SLC16A7: variants seen among roughly 807,000 people sequenced by gnomAD.
The protein encoded by SLC16A7 is solute carrier family 16 member 7, also known as monocarboxylate transporter 2.
In SLC16A7, 33 loss-of-function variants were observed where a neutral mutation model predicts 34.9. The ratio of observed to expected loss-of-function variants is 0.94; its 90% CI spans 0.72 to 1.26. The LOEUF is 1.26. Ranked by LOEUF, SLC16A7 falls within the 50% of genes most tolerant of loss-of-function variation. The probability of loss-of-function intolerance (pLI) is 0.00; values close to 1 mark genes in which losing one functional copy is unlikely to be tolerated. For missense variants in SLC16A7, 573 were observed against 578.1 expected (o/e 0.99, Z 0.09); for synonymous variants, 201 against 206.6 (o/e 0.97, Z 0.23).
intron 2 of SLC16A7, among the ~76,000 whole-genome samples, chr12:59,687,628 T>G (rs1871260002): frequency 6.6e-6 from 1 of 152,110 alleles, no homozygotes; most frequent in Non-Finnish European, 1.5e-5. Flanking sequence ...GGGCTTACAA[T>G]AACAGATATT....
At chr12:59,768,519 A>G (rs966968834) in intron 3 of SLC16A7, among the ~76,000 whole-genome samples, 13 of 152,172 alleles carry the variant, frequency 8.5e-5, no homozygotes, top group Non-Finnish European at 1.8e-4. Flanking sequence ...TGATATAACT[A>G]CAAAAGTTTA....
chr12:59,768,229 T>A, intron 3 of SLC16A7: 2 of 455,058 alleles, frequency 4.4e-6, no homozygotes, highest in South Asian at 3.1e-5. Flanking sequence ...TTCACTGTTA[T>A]GGGAGGAGGT....
At chr12:59,753,459 G>T (rs1879860127) in intron 3 of SLC16A7, among the ~76,000 whole-genome samples, 1 of 152,134 alleles carries the variant, frequency 6.6e-6, no homozygotes, top group South Asian at 2.1e-4. Context: ...TGCATTCCTA[G>T]ACTCTGATAA....
rs555779243 is a variant in SLC16A7, at chr12:59,708,729, C to T, written c.217+3711C>T. On this transcript the variant is annotated intron_variant, in intron 3 of 5. Coordinates refer to ENST00000547379, the MANE Select transcript of SLC16A7 (RefSeq NM_001270623.2). The stretch of plus-strand genomic sequence containing the variant: ...TGTTCAGAGGCCTGGCCTGTGATGT[C>T]AGGACTGGAGTCTCTTGTAGTAATT... 3.4e-4 allele frequency among the ~76,000 whole-genome samples: 51 copies of T among 150,928 alleles called. 2 individuals are homozygous for T. The highest frequency in any genetic ancestry group is 1.2e-3 in the African/African-American group (49 of 40,336).
intron 1 of SLC16A7, among the ~76,000 whole-genome samples, chr12:59,640,728 G>T (rs1317572513): frequency 6.6e-6 from 1 of 151,756 alleles, no homozygotes; most frequent in Non-Finnish European, 1.5e-5. Context: ...TCCAAAACAA[G>T]TTCTGCCATG....
chr12:59,745,068 A>T (rs1258100879), intron 3 of SLC16A7, among the ~76,000 whole-genome samples: 1 of 152,102 alleles, frequency 6.6e-6, no homozygotes, highest in African/African-American at 2.4e-5. Flanking sequence ...GAGTTCAAGG[A>T]TGTCATCAGA....
At chr12:59,767,105 T>C (rs1881736165) in intron 3 of SLC16A7, among the ~76,000 whole-genome samples, 1 of 151,944 alleles carries the variant, frequency 6.6e-6, no homozygotes, top group Non-Finnish European at 1.5e-5. Context: ...CTAGATTTTC[T>C]AGTTTATTAG....
intron 2 of SLC16A7, among the ~76,000 whole-genome samples, chr12:59,683,372 G>A (rs1870897682): frequency 1.3e-5 from 2 of 152,140 alleles, no homozygotes; most frequent in South Asian, 2.1e-4. Flanking sequence ...TTGGAGAGAG[G>A]CCAGAAGATG....
chr12:59,719,679 G>A (rs1356825985), intron 3 of SLC16A7: 1 of 163,320 alleles, frequency 6.1e-6, no homozygotes, highest in African/African-American at 2.4e-5. Flanking sequence ...TTTTTTTCTT[G>A]GCAGCATCAT....
intron 3 of SLC16A7, among the ~76,000 whole-genome samples, chr12:59,708,141 A>T (rs1873803168): frequency 6.6e-6 from 1 of 152,142 alleles, no homozygotes; most frequent in Non-Finnish European, 1.5e-5. Flanking sequence ...TTTCAGAAAC[A>T]TAGTAACTAT....
chr12:59,764,749 T>A (rs1381556300), intron 3 of SLC16A7, among the ~76,000 whole-genome samples: 1 of 152,156 alleles, frequency 6.6e-6, no homozygotes, highest in East Asian at 1.9e-4. Context: ...ACATTTGGGT[T>A]GGTTCCAAGT....
At chr12:59,678,506 G>T (rs1232188640) in intron 2 of SLC16A7, among the ~76,000 whole-genome samples, 1 of 152,178 alleles carries the variant, frequency 6.6e-6, no homozygotes, top group Non-Finnish European at 1.5e-5. Context: ...TGTCTGCTCA[G>T]CTCTTTTCAG....
intron 3 of SLC16A7, among the ~76,000 whole-genome samples, chr12:59,739,523 T>C (rs1184316681): frequency 1.4e-5 from 2 of 143,702 alleles, no homozygotes; most frequent in Non-Finnish European, 3.0e-5. Context: ...TGTGTCTTTA[T>C]AGCAGCATGA....
chr12:59,692,402 A>G (rs543561334), intron 2 of SLC16A7, among the ~76,000 whole-genome samples: 36 of 152,068 alleles, frequency 2.4e-4, no homozygotes, highest in African/African-American at 8.4e-4. Context: ...ATAACTTTTT[A>G]CACACAATTC....
intron 2 of SLC16A7, among the ~76,000 whole-genome samples, chr12:59,703,564 T>C (rs1217730178): frequency 1.3e-5 from 2 of 152,178 alleles, no homozygotes; most frequent in African/African-American, 4.8e-5. Context: ...AGATATTTTC[T>C]GTACAAATCA....
At chr12:59,709,991 A>G (rs1874039292) in intron 3 of SLC16A7, among the ~76,000 whole-genome samples, 1 of 151,656 alleles carries the variant, frequency 6.6e-6, no homozygotes, top group South Asian at 2.1e-4. Flanking sequence ...GACTATACTG[A>G]TCATTACAAA....
intron 4 of SLC16A7, among the ~76,000 whole-genome samples, chr12:59,773,372 G>T (rs1882422368): frequency 6.6e-6 from 1 of 151,960 alleles, no homozygotes. Flanking sequence ...TTAAAGGGTT[G>T]GAGTATTTGT....
chr12:59,718,045 CTT>C (rs1356470306), intron 3 of SLC16A7, among the ~76,000 whole-genome samples: 2 of 152,050 alleles, frequency 1.3e-5, no homozygotes, highest in Non-Finnish European at 2.9e-5. Flanking sequence ...AGACAGTTCT[CTT>C]TTTATTGCTT....
At chr12:59,761,297 T>C in intron 3 of SLC16A7, 1 of 465,956 alleles carries the variant, frequency 2.1e-6, no homozygotes, top group Non-Finnish European at 3.6e-6. Flanking sequence ...TCTTAAAGTC[T>C]GATGGTTAGG....
Sources: allele counts gnomAD v4.1 joint callset (sites outside exome capture counted in the v4.1 genomes callset), GRCh38; gene constraint gnomAD v4.1.1; transcripts MANE v1.5; gene names NCBI Gene and HGNC (gene_info 2026-07-23, HGNC 2026-07-21).